Variants in DLGAP2 observed in about 807,000 individuals in gnomAD.
DLGAP2 encodes the protein disks large-associated protein 2.
Under a neutral mutation model 100.3 loss-of-function variants are expected in DLGAP2, and 26 were observed. The observed-to-expected ratio is 0.26, with a 90% CI of 0.19 to 0.36. The LOEUF (loss-of-function observed/expected upper bound fraction) is 0.36. Among genes scored for constraint, DLGAP2 ranks in the 10% least tolerant of loss-of-function variants. The pLI is 1.00. For synonymous variants in DLGAP2, 886 were observed against 630.1 expected (o/e 1.41, Z -6.08); for missense variants, 1,858 against 1,453.2 (o/e 1.28, Z -4.53).
chr8:948,948 C>T (rs1049143679), intron 2 of DLGAP2, among the ~76,000 whole-genome samples: 10 of 147,558 alleles, frequency 6.8e-5, no homozygotes, highest in Admixed American at 5.4e-4. Context: ...AGGGTGAGAG[C>T]AGGGCCCGTG....
rs557610586 is a variant in DLGAP2 at position 1,356,132 on chromosome 8, G to A, written c.106+97249G>A. Among the ~76,000 whole-genome samples the A allele has an allele frequency of 3.9e-5, 6 of 152,266 alleles. No homozygotes were observed. The South Asian group carries it at 6.2e-4, about 16-fold the overall frequency. On this transcript the variant is annotated intron_variant, in intron 3 of 14. Transcript: ENST00000637795. ...CCCACTGGGAGTTGACGGACGGTTC[G>A]TGTGGACCTCACAGCCCCTGCATGG... is the stretch of plus-strand genomic sequence containing the variant.
intron 1 of DLGAP2, among the ~76,000 whole-genome samples, chr8:876,795 C>G (rs1585962402): frequency 6.6e-6 from 1 of 152,128 alleles, no homozygotes; most frequent in African/African-American, 2.4e-5. Flanking sequence ...GTGCCCTATG[C>G]TTCTGAGCTC....
At chr8:1,164,613 G>C (rs145036977) in intron 2 of DLGAP2, among the ~76,000 whole-genome samples, 7 of 152,262 alleles carry the variant, frequency 4.6e-5, no homozygotes, top group African/African-American at 1.4e-4. Flanking sequence ...CCAAGTCAGA[G>C]GGAAGAGCCA....
In DLGAP2 at chr8:1,545,000, A is replaced by C. The variant is rs570160366; in HGVS notation, c.173-3626A>C. Among the ~76,000 whole-genome samples, 154 of 152,192 alleles carry C rather than the reference A, an allele frequency of 1.0e-3. 1 individual carries two copies. The highest frequency in any genetic ancestry group is 3.6e-3 in the African/African-American group (150 of 41,528). On this transcript the variant is annotated intron_variant, in intron 4 of 14. Transcript: ENST00000637795. ...CCCATCTCAGCCGCCCAAAGTGCTG[A>C]GATTACAGGCATGAGCCACCATACC...
At chr8:1,306,287 A>G (rs1198742522) in intron 3 of DLGAP2, among the ~76,000 whole-genome samples, 1 of 152,144 alleles carries the variant, frequency 6.6e-6, no homozygotes, top group Admixed American at 6.5e-5. Context: ...AGTGTTTCCA[A>G]ATACTATCAG....
intron 2 of DLGAP2, among the ~76,000 whole-genome samples, chr8:1,253,540 T>A (rs1799099515): frequency 6.6e-6 from 1 of 152,240 alleles, no homozygotes; most frequent in Non-Finnish European, 1.5e-5. Flanking sequence ...ATGCTGCAGT[T>A]TCCTCTTTTC....
At chr8:833,486 T>TC (rs2132704911) in intron 1 of DLGAP2, among the ~76,000 whole-genome samples, 1 of 152,262 alleles carries the variant, frequency 6.6e-6, no homozygotes, top group Admixed American at 6.5e-5. Context: ...TGGCCCCACC[T>TC]CCATCTGCAA....
intron 1 of DLGAP2, among the ~76,000 whole-genome samples, chr8:788,585 C>T (rs1308770074): frequency 6.6e-6 from 1 of 152,202 alleles, no homozygotes; most frequent in Non-Finnish European, 1.5e-5. Flanking sequence ...CCTTTGATAA[C>T]ATAAATATTT....
intron 2 of DLGAP2, among the ~76,000 whole-genome samples, chr8:1,171,984 G>T (rs1401585802): frequency 6.6e-6 from 1 of 152,088 alleles, no homozygotes; most frequent in Non-Finnish European, 1.5e-5. Context: ...AGTCTGGATG[G>T]TCTTTACATT....
At chr8:1,671,634 G>C (rs550683869) in intron 10 of DLGAP2, among the ~76,000 whole-genome samples, 2 of 152,110 alleles carry the variant, frequency 1.3e-5, no homozygotes, top group African/African-American at 2.4e-5. Flanking sequence ...ATAATTACTG[G>C]GCTACGTCTA....
Position 1,699,109 on chromosome 8 carries a change from A to C in DLGAP2, c.2949+1810A>C, listed in dbSNP as rs35493104. On this transcript the variant is annotated intron_variant, in intron 14 of 14. Coordinates refer to ENST00000637795, the MANE Select transcript of DLGAP2 (RefSeq NM_001346810.2). ...AGGCTGTTCAAACGGAACGTACTGA[A>C]GTTAGCCCAGGTGCACACGATGGTT... Among the ~76,000 whole-genome samples the C allele has an allele frequency of 9.7e-3, 1,473 of 152,370 alleles. 17 individuals are homozygous for C. Among genetic ancestry groups the C allele is most frequent in the South Asian group, 0.05 (242 of 4,834 alleles).
chr8:1,635,930 C>G (rs977711804), intron 8 of DLGAP2, among the ~76,000 whole-genome samples: 1 of 152,188 alleles, frequency 6.6e-6, no homozygotes, highest in Non-Finnish European at 1.5e-5. Context: ...CGAGCTGAGA[C>G]AGACCCTTTT....
intron 3 of DLGAP2, among the ~76,000 whole-genome samples, chr8:1,319,389 C>A (rs1372832352): frequency 6.6e-6 from 1 of 152,284 alleles, no homozygotes; most frequent in African/African-American, 2.4e-5. Flanking sequence ...CGTGTGGAAA[C>A]CTCCTGGCAG....
At chr8:1,088,085 G>C (rs1804036038) in intron 2 of DLGAP2, among the ~76,000 whole-genome samples, 1 of 152,238 alleles carries the variant, frequency 6.6e-6, no homozygotes, top group South Asian at 2.1e-4. Flanking sequence ...AGCTGGGCTT[G>C]GCCCCACAGG....
At chr8:782,713 C>A (rs147069679) in intron 1 of DLGAP2, among the ~76,000 whole-genome samples, 291 of 152,240 alleles carry the variant, frequency 1.9e-3, no homozygotes, top group African/African-American at 6.9e-3. Context: ...TCTACTCATC[C>A]CTTTTGCACT....
At chr8:1,192,203 A>G (rs1398352979) in intron 2 of DLGAP2, among the ~76,000 whole-genome samples, 3 of 152,148 alleles carry the variant, frequency 2.0e-5, no homozygotes, top group Non-Finnish European at 4.4e-5. Flanking sequence ...TGTTGCTATG[A>G]TCAACCACAG....
intron 2 of DLGAP2, among the ~76,000 whole-genome samples, chr8:1,245,850 C>T (rs1324991253): frequency 6.6e-6 from 1 of 152,154 alleles, no homozygotes; most frequent in African/African-American, 2.4e-5. Context: ...CACATGGAGA[C>T]CCCGAGGTAC....
intron 1 of DLGAP2, among the ~76,000 whole-genome samples, chr8:904,599 G>A (rs1213234665): frequency 6.6e-6 from 1 of 152,218 alleles, no homozygotes; most frequent in Non-Finnish European, 1.5e-5. Flanking sequence ...CACGTTCTGT[G>A]ATTCTGCTTT....
chr8:819,535 A>G (rs1796546531), intron 1 of DLGAP2, among the ~76,000 whole-genome samples: 1 of 152,230 alleles, frequency 6.6e-6, no homozygotes, highest in Admixed American at 6.5e-5. Context: ...ATTGGGAATC[A>G]AGAGACTTAT....
Sources: gnomAD v4.1 joint callset for allele counts (sites outside exome capture counted in the v4.1 genomes callset) on GRCh38, gnomAD v4.1.1 for gene constraint, MANE v1.5 for transcripts, NCBI Gene and HGNC (gene_info 2026-07-23, HGNC 2026-07-21) for gene names.